Variants in HIBCH observed in about 807,000 individuals in gnomAD.
HIBCH encodes the protein 3-hydroxyisobutyryl-CoA hydrolase, mitochondrial.
A neutral mutation model predicts 58.2 loss-of-function variants in HIBCH; 50 were observed. The observed-to-expected ratio is 0.86, with a 90% confidence interval of 0.68 to 1.09. HIBCH has a LOEUF of 1.09. Among genes scored for constraint, HIBCH ranks in the 50% least tolerant of loss-of-function variants. The probability of loss-of-function intolerance (pLI) is 0.00; values close to 1 mark genes in which losing one functional copy is unlikely to be tolerated. For missense variants in HIBCH, 450 were observed against 449.7 expected (o/e 1.00, Z -0.01); for synonymous variants, 151 against 146.9 (o/e 1.03, Z -0.20).
chr2:190,258,342 T>C (rs1345957990), intron 7 of HIBCH, among the ~76,000 whole-genome samples: 1 of 152,132 alleles, frequency 6.6e-6, no homozygotes, highest in Non-Finnish European at 1.5e-5. Flanking sequence ...CAGTCTCAGG[T>C]AGTTCTTTAT....
intron 1 of HIBCH, among the ~76,000 whole-genome samples, chr2:190,314,541 C>T (rs900776278): frequency 1.3e-4 from 20 of 152,046 alleles, no homozygotes; most frequent in Middle Eastern, 3.4e-3. Flanking sequence ...CGCAGTGGCA[C>T]GATCTCAGCT....
At chr2:190,255,572 C>G (rs1014058090) in intron 7 of HIBCH, among the ~76,000 whole-genome samples, 3 of 152,164 alleles carry the variant, frequency 2.0e-5, no homozygotes, top group African/African-American at 7.2e-5. Flanking sequence ...TTTCAACACA[C>G]TGAACATCAA....
chr2:190,268,565 G>C (rs1000144291), intron 6 of HIBCH, among the ~76,000 whole-genome samples: 26 of 152,150 alleles, frequency 1.7e-4, no homozygotes, highest in African/African-American at 6.3e-4. Context: ...TTTTCAGACT[G>C]TTCCAATAGG....
chr2:190,270,052 C>A (rs1207349255), intron 6 of HIBCH, among the ~76,000 whole-genome samples: 1 of 152,086 alleles, frequency 6.6e-6, no homozygotes. Flanking sequence ...GAACATCACA[C>A]ACCGGGGCCT....
chr2:190,240,821 T>C (rs1236238741), intron 11 of HIBCH, among the ~76,000 whole-genome samples: 2 of 152,266 alleles, frequency 1.3e-5, no homozygotes, highest in African/African-American at 2.4e-5. Flanking sequence ...AGTTCTAATT[T>C]GATTGCACTG....
chr2:190,246,005 A>G, intron 10 of HIBCH, 149 bp downstream of exon 10: 1 of 562,250 alleles, frequency 1.8e-6, no homozygotes, highest in Non-Finnish European at 3.1e-6. Flanking sequence ...AAAAAAAAAA[A>G]AAAGGAAGGA....
chr2:190,192,488 G>A (rs1363330104), intron 1 of HIBCH, among the ~76,000 whole-genome samples: 237 of 145,678 alleles, frequency 1.6e-3, no homozygotes, highest in African/African-American at 5.8e-3. Flanking sequence ...GTGTGTGTGT[G>A]TGTATCTATA....
chr2:190,271,789 C>T (rs1435240258), intron 6 of HIBCH, among the ~76,000 whole-genome samples: 1 of 152,152 alleles, frequency 6.6e-6, no homozygotes, highest in Non-Finnish European at 1.5e-5. Context: ...AGATCAACTA[C>T]TTAACATGTC....
At chr2:190,300,801 C>A (rs1020836770) in intron 2 of HIBCH, among the ~76,000 whole-genome samples, 6 of 152,152 alleles carry the variant, frequency 3.9e-5, no homozygotes, top group African/African-American at 1.4e-4. Context: ...ACATTTAAAT[C>A]TTTAATTCAT....
intron 2 of HIBCH, among the ~76,000 whole-genome samples, chr2:190,301,426 CAAAAG>C (rs1046928737): frequency 2.0e-5 from 3 of 152,014 alleles, no homozygotes; most frequent in African/African-American, 7.3e-5. Flanking sequence ...GAAGTGGGGA[CAAAAG>C]AAAAGGAAAA....
Position 190,243,134 on chromosome 2 carries a change from G to A in HIBCH, c.891+1753C>T, listed in dbSNP as rs745607968. Among the ~76,000 whole-genome samples the A allele has an allele frequency of 3.3e-5, 5 of 152,178 alleles. No homozygotes were observed. Among genetic ancestry groups the A allele is most frequent in the Non-Finnish European group, 5.9e-5 (4 of 68,024 alleles). On this transcript the variant is annotated intron_variant, in intron 11 of 13. Transcript: ENST00000359678. This position sits in a 1 kb window ranked among gnomAD's most constrained non-coding sequence, Gnocchi z 4.1. ...GTTGCCAAAAGAGATTAACATTTGA[G>A]TCAGTGGGCTGGGCAAGGCAGATCC...
chr2:190,229,911 G>A (rs187084685), intron 11 of HIBCH, among the ~76,000 whole-genome samples: 11 of 151,880 alleles, frequency 7.2e-5, no homozygotes, highest in Non-Finnish European at 1.2e-4. Flanking sequence ...CCGTAAAAAC[G>A]TAACAGTTAA....
intron 11 of HIBCH, among the ~76,000 whole-genome samples, chr2:190,227,890 A>G (rs2105916700): frequency 6.6e-6 from 1 of 152,374 alleles, no homozygotes; most frequent in East Asian, 1.9e-4. Flanking sequence ...CGATCATTAA[A>G]AAGTCAGGAA....
At chr2:190,285,909 A>C (rs1022322316) in intron 6 of HIBCH, among the ~76,000 whole-genome samples, 1 of 152,024 alleles carries the variant, frequency 6.6e-6, no homozygotes. Flanking sequence ...GTGCAGTGGC[A>C]TGATCTCAGC....
In HIBCH at chr2:190,319,795, G is replaced by C. The variant is rs921204932; in HGVS notation, c.-45C>G. ...AAAGCAGCAGAGCGAGAATCTCCCG[G>C]ACCGTTCCAGCGCCTCGCGTGAGCC... On this transcript the variant is annotated 5_prime_UTR_variant, in exon 1 of 14. Transcript: ENST00000359678. The C allele has an allele frequency of 6.9e-6, 11 of 1,595,500 alleles. No individual in the cohort carries two copies. The highest frequency in any genetic ancestry group is 2.3e-5 in the East Asian group (1 of 44,410).
At chr2:190,248,283 T>G (rs2562796) in intron 9 of HIBCH, among the ~76,000 whole-genome samples, 45,139 of 152,062 alleles carry the variant, frequency 0.3, 7,508 homozygotes, top group East Asian at 0.46. Context: ...CATTATAAGA[T>G]GATCAGGCAA....
Position 190,204,315 on chromosome 2 carries a change from C to G in HIBCH, c.*802G>C, listed in dbSNP as rs1690335402. ...CGTAAATTATAAAAAAACAGAGTGT[C>G]TCTATCTAAGAGATTGGAGTTTCCT... On this transcript the variant is annotated 3_prime_UTR_variant, in exon 14 of 14. Coordinates refer to ENST00000359678, the MANE Select transcript of HIBCH (RefSeq NM_014362.4). The G allele has an allele frequency of 6.6e-6, 1 of 152,026 alleles. No homozygotes were observed. The highest frequency in any genetic ancestry group is 2.4e-5 in the African/African-American group (1 of 41,430). The allele number at this position is 152,026 out of a possible 1,614,324, so 9.4% of individuals were successfully genotyped here.
intron 4 of HIBCH, among the ~76,000 whole-genome samples, chr2:190,294,341 G>GA (rs938412669): frequency 7.3e-5 from 11 of 150,508 alleles, no homozygotes; most frequent in Admixed American, 2.7e-4. Flanking sequence ...TGTGTAGTGA[G>GA]AAAAAAAAAT....
At chr2:190,274,884 GACACTCTT>G (rs1239008373) in intron 6 of HIBCH, among the ~76,000 whole-genome samples, 1 of 152,196 alleles carries the variant, frequency 6.6e-6, no homozygotes, top group African/African-American at 2.4e-5. Context: ...CAGAAAGGGA[GACACTCTT>G]ACAAATAGAG....
Sources: gnomAD v4.1 joint callset for allele counts (sites outside exome capture counted in the v4.1 genomes callset) on GRCh38, gnomAD v4.1.1 for gene constraint, Gnocchi (gnomAD v3.1) non-coding constraint, MANE v1.5 for transcripts, NCBI Gene and HGNC (gene_info 2026-07-23, HGNC 2026-07-21) for gene names.